FBXL7: variants seen among roughly 807,000 people sequenced by gnomAD.
The protein encoded by FBXL7 is F-box/LRR-repeat protein 7.
FBXL7 carries 12 observed loss-of-function variants against 38.3 expected under a neutral mutation model. The observed-to-expected ratio is 0.31, with a 90% CI of 0.20 to 0.51. The LOEUF is 0.51. Ranked by LOEUF, FBXL7 falls within the 20% of genes least tolerant of loss-of-function variation. FBXL7 has a pLI of 0.98. For synonymous variants in FBXL7, 297 were observed against 300.9 expected (o/e 0.99, Z 0.13); for missense variants, 567 against 676.4 (o/e 0.84, Z 1.79).
At chr5:15,927,750 G>C in intron 2 of FBXL7, 140 bp from the exon 3 acceptor site, 1 of 861,748 alleles carries the variant, frequency 1.2e-6, no homozygotes, top group Non-Finnish European at 1.5e-6. Context: ...ACTCCCGCCT[G>C]GGCGACAAGA....
rs903896542 is a variant in FBXL7, at chr5:15,938,990, G to C, written c.*1804G>C. Reference sequence around the variant, plus strand: ...GCAGAACCTCTGCATCTCCAAGCCAGTTATGCTGAATTTGTCAAACTTAGA... The same window carrying C: ...GCAGAACCTCTGCATCTCCAAGCCACTTATGCTGAATTTGTCAAACTTAGA... On this transcript the variant is annotated 3_prime_UTR_variant, in exon 4 of 4. Coordinates refer to ENST00000504595, the MANE Select transcript of FBXL7 (RefSeq NM_012304.5). 1.5e-5 allele frequency: 6 copies of C among 398,934 alleles called. No homozygotes were observed. Among genetic ancestry groups the C allele is most frequent in the Admixed American group, 4.4e-5 (1 of 22,708 alleles). 24.7% of individuals were successfully genotyped at this position (398,934 alleles called of 1,614,324 possible).
chr5:15,876,293 A>AATGT (rs1276184864), intron 2 of FBXL7, among the ~76,000 whole-genome samples: 2 of 152,294 alleles, frequency 1.3e-5, no homozygotes, highest in East Asian at 3.9e-4. Context: ...AGAAATACCT[A>AATGT]ATGTAGATGA....
chr5:15,615,295 T>C (rs1240815782), intron 1 of FBXL7, among the ~76,000 whole-genome samples: 1 of 152,182 alleles, frequency 6.6e-6, no homozygotes, highest in African/African-American at 2.4e-5. Context: ...TAATTCTTTC[T>C]TGTGGCGGCC....
intron 2 of FBXL7, among the ~76,000 whole-genome samples, chr5:15,663,569 A>T (rs559017695): frequency 1.6e-4 from 24 of 152,304 alleles, no homozygotes; most frequent in African/African-American, 5.5e-4. Flanking sequence ...TACCCTGTCT[A>T]TTGAGATAAT....
chr5:15,749,270 T>C (rs1007638689), intron 2 of FBXL7, among the ~76,000 whole-genome samples: 1 of 136,816 alleles, frequency 7.3e-6, no homozygotes, highest in Admixed American at 7.4e-5. Flanking sequence ...AAAAAAAAAT[T>C]CAAGAGTCCA....
rs187819816 is a variant in FBXL7 at position 15,748,905 on chromosome 5, C to T, written c.127+132833C>T. ...AAACTCCTGGCCTCAAGTGATTGTC[C>T]TTCCTTGGCCTCCTAAAGTGTTGCC... On this transcript the variant is annotated intron_variant, in intron 2 of 3. Transcript: ENST00000504595. 3.8e-3 allele frequency among the ~76,000 whole-genome samples: 577 copies of T among 152,188 alleles called. 5 individuals carry two copies. Among genetic ancestry groups the T allele is most frequent in the South Asian group, 0.016 (79 of 4,816 alleles).
intron 2 of FBXL7, among the ~76,000 whole-genome samples, chr5:15,851,348 A>C (rs936065627): frequency 4.6e-5 from 7 of 152,212 alleles, no homozygotes; most frequent in African/African-American, 1.4e-4. Flanking sequence ...TCTCTTTGTC[A>C]GAATCACTCA....
At chr5:15,564,722 A>G (rs1738515267) in intron 1 of FBXL7, among the ~76,000 whole-genome samples, 1 of 152,048 alleles carries the variant, frequency 6.6e-6, no homozygotes, top group Non-Finnish European at 1.5e-5. Context: ...AATGACTTTC[A>G]GGAAGGTTTC....
chr5:15,793,068 G>T (rs1010811782), intron 2 of FBXL7, among the ~76,000 whole-genome samples: 1 of 152,162 alleles, frequency 6.6e-6, no homozygotes, highest in Admixed American at 6.5e-5. Flanking sequence ...GGACAGGGAA[G>T]GGAGGGGAGC....
At chr5:15,886,435 G>A (rs2126357584) in intron 2 of FBXL7, among the ~76,000 whole-genome samples, 1 of 152,126 alleles carries the variant, frequency 6.6e-6, no homozygotes, top group East Asian at 1.9e-4. Context: ...GGACTTTTTA[G>A]ATTAGAGAGG....
chr5:15,812,889 G>A (rs1420802621), intron 2 of FBXL7, among the ~76,000 whole-genome samples: 1 of 152,058 alleles, frequency 6.6e-6, no homozygotes, highest in Non-Finnish European at 1.5e-5. Context: ...TCTCTTTGTA[G>A]CAGTTGTGAA....
intron 2 of FBXL7, among the ~76,000 whole-genome samples, chr5:15,800,492 T>C (rs1737534949): frequency 6.6e-6 from 1 of 152,230 alleles, no homozygotes; most frequent in African/African-American, 2.4e-5. Flanking sequence ...CCAACTCTTC[T>C]CAAAATTGAG....
At chr5:15,776,305 C>A (rs550713394) in intron 2 of FBXL7, among the ~76,000 whole-genome samples, 8 of 152,142 alleles carry the variant, frequency 5.3e-5, no homozygotes, top group African/African-American at 1.4e-4. Flanking sequence ...CCTCCCAAAT[C>A]CTATTTTGCT....
At chr5:15,701,818 T>G (rs1237681587) in intron 2 of FBXL7, among the ~76,000 whole-genome samples, 1 of 152,188 alleles carries the variant, frequency 6.6e-6, no homozygotes, top group Non-Finnish European at 1.5e-5. Context: ...CTTCACTAAT[T>G]TATTTTCCAA....
At chr5:15,756,930 C>A (rs185800850) in intron 2 of FBXL7, among the ~76,000 whole-genome samples, 3 of 152,238 alleles carry the variant, frequency 2.0e-5, no homozygotes, top group Admixed American at 2.0e-4. Flanking sequence ...GGCAGCCTGA[C>A]TTTTGATTAT....
chr5:15,543,407 G>A (rs774823377), intron 1 of FBXL7, among the ~76,000 whole-genome samples: 44 of 152,152 alleles, frequency 2.9e-4, no homozygotes, highest in Non-Finnish European at 5.6e-4. Flanking sequence ...CACCCTTGAC[G>A]CTTGGGGATT....
intron 1 of FBXL7, among the ~76,000 whole-genome samples, chr5:15,529,151 G>C (rs1210296904): frequency 7.9e-5 from 12 of 152,178 alleles, no homozygotes; most frequent in Non-Finnish European, 1.5e-4. Context: ...GATTCCACAT[G>C]TAAGTGAGAT....
intron 2 of FBXL7, among the ~76,000 whole-genome samples, chr5:15,843,903 C>T (rs889830376): frequency 6.6e-6 from 1 of 150,634 alleles, no homozygotes; most frequent in African/African-American, 2.4e-5. Flanking sequence ...TATTTAGAAA[C>T]TATATATAGT....
chr5:15,568,202 C>T (rs1202546669), intron 1 of FBXL7, among the ~76,000 whole-genome samples: 4 of 151,948 alleles, frequency 2.6e-5, no homozygotes, highest in Non-Finnish European at 5.9e-5. Flanking sequence ...AACTAGTTTA[C>T]AGTCCCACCA....
Sources: gnomAD v4.1 joint callset for allele counts (sites outside exome capture counted in the v4.1 genomes callset) on GRCh38, gnomAD v4.1.1 for gene constraint, MANE v1.5 for transcripts, NCBI Gene and HGNC (gene_info 2026-07-23, HGNC 2026-07-21) for gene names.